MIR2052HG: variants seen among roughly 807,000 people sequenced by gnomAD.
The protein encoded by MIR2052HG is MIR2052 host gene.
intron 4 of MIR2052HG, among the ~76,000 whole-genome samples, chr8:74,738,647 A>G (rs539426561): frequency 6.6e-6 from 1 of 152,346 alleles, no homozygotes; most frequent in South Asian, 2.1e-4. Context: ...GCTTTGTTAA[A>G]AAATCACATT....
At chr8:74,714,882 T>G (rs1340273236) in intron 4 of MIR2052HG, among the ~76,000 whole-genome samples, 1 of 151,918 alleles carries the variant, frequency 6.6e-6, no homozygotes, top group East Asian at 1.9e-4. Flanking sequence ...TTTCATATTT[T>G]TTGGTAGAGA....
Position 74,618,738 on chromosome 8 carries a change from CA to C in MIR2052HG, n.216+5801del, listed in dbSNP as rs796802523. Among the ~76,000 whole-genome samples the C allele has an allele frequency of 2.6e-4, 39 of 152,274 alleles. 1 individual carries two copies. The highest frequency in any genetic ancestry group is 8.9e-4 in the African/African-American group (37 of 41,558). ...TTTTCCTGTGAGATAAGGAACAAGA[CA>C]AAGATGCGCACTCTCACCACTTCTA... On this transcript the variant is annotated intron_variant and non_coding_transcript_variant, in intron 2 of 6. Coordinates refer to ENST00000523442, the Ensembl canonical transcript of MIR2052HG.
intron 2 of MIR2052HG, among the ~76,000 whole-genome samples, chr8:74,670,348 A>G (rs1808977640): frequency 6.6e-6 from 1 of 152,182 alleles, no homozygotes; most frequent in African/African-American, 2.4e-5. Context: ...AAGACAGAGT[A>G]TGAAAAATTT....
chr8:74,603,453 A>G lies in MIR2052HG; in HGVS notation n.128+3545A>G, dbSNP rs1200022877. The G allele has an allele frequency of 3.1e-6, 5 of 1,605,738 alleles. No individual in the cohort carries two copies. The Admixed American group carries it at 8.3e-5, about 27-fold the overall frequency. ...GTGCCCCAGACATCTGACGGATCTC[A>G]TTTATTTTGGCGCCTTGACGCCCGA... On this transcript the variant is annotated intron_variant and non_coding_transcript_variant, in intron 1 of 6. Coordinates refer to ENST00000523442, the Ensembl canonical transcript of MIR2052HG.
At chr8:74,739,321 G>T (rs1472323465) in intron 4 of MIR2052HG, among the ~76,000 whole-genome samples, 1 of 152,126 alleles carries the variant, frequency 6.6e-6, no homozygotes, top group Non-Finnish European at 1.5e-5. Context: ...ACTATAAGCT[G>T]CTCCTTTCAG....
At chr8:74,714,902 A>G (rs1809505824) in intron 4 of MIR2052HG, among the ~76,000 whole-genome samples, 1 of 150,692 alleles carries the variant, frequency 6.6e-6, no homozygotes, top group Non-Finnish European at 1.5e-5. Context: ...ATGGGGTCAA[A>G]CTCCTGACCT....
At chr8:74,664,682 T>A (rs1481289659) in intron 2 of MIR2052HG, among the ~76,000 whole-genome samples, 2 of 152,148 alleles carry the variant, frequency 1.3e-5, no homozygotes, top group Admixed American at 6.5e-5. Flanking sequence ...TATGCCCAGC[T>A]AATATTTTAT....
intron 2 of MIR2052HG, among the ~76,000 whole-genome samples, chr8:74,685,121 C>G (rs1266019576): frequency 2.0e-5 from 3 of 152,040 alleles, no homozygotes; most frequent in African/African-American, 7.2e-5. Flanking sequence ...AATATAATAT[C>G]TGATATTTGA....
At chr8:74,664,077 A>T (rs981414189) in intron 2 of MIR2052HG, among the ~76,000 whole-genome samples, 2 of 152,148 alleles carry the variant, frequency 1.3e-5, no homozygotes, top group Non-Finnish European at 2.9e-5. Flanking sequence ...AGCTATGAGT[A>T]GGCAAAGGCA....
chr8:74,612,736 A>G (rs1249933012), intron 1 of MIR2052HG: 5 of 363,476 alleles, frequency 1.4e-5, no homozygotes, highest in Non-Finnish European at 2.7e-5. Flanking sequence ...TTTATGCTGT[A>G]AAAACATATT....
At chr8:74,705,122 A>G (rs1037266863) in intron 4 of MIR2052HG, among the ~76,000 whole-genome samples, 2 of 151,632 alleles carry the variant, frequency 1.3e-5, no homozygotes, top group African/African-American at 4.9e-5. Flanking sequence ...TTTGCATCAG[A>G]GTTTGATTGA....
chr8:74,748,908 T>A (rs1809914712), intron 4 of MIR2052HG, among the ~76,000 whole-genome samples: 1 of 152,150 alleles, frequency 6.6e-6, no homozygotes, highest in African/African-American at 2.4e-5. Context: ...CATATTGACA[T>A]GGAGAGAGAG....
intron 3 of MIR2052HG, chr8:74,702,569 G>A (rs943800521): frequency 5.3e-6 from 1 of 189,626 alleles, no homozygotes; most frequent in Non-Finnish European, 1.2e-5. Context: ...AGCCTAAGAG[G>A]AGGAGATTTC....
chr8:74,648,204 C>A (rs542601890), intron 2 of MIR2052HG, among the ~76,000 whole-genome samples: 2 of 151,854 alleles, frequency 1.3e-5, no homozygotes, highest in Admixed American at 6.6e-5. Context: ...TAATTGATAC[C>A]CTGGGTAAGG....
At chr8:74,673,817 C>T (rs1016170910) in intron 2 of MIR2052HG, among the ~76,000 whole-genome samples, 4 of 149,406 alleles carry the variant, frequency 2.7e-5, no homozygotes, top group African/African-American at 9.9e-5. Context: ...AATGGATAAC[C>T]ATTAGCCTAA....
At chr8:74,659,572 C>G (rs1808840042) in intron 2 of MIR2052HG, among the ~76,000 whole-genome samples, 2 of 152,036 alleles carry the variant, frequency 1.3e-5, no homozygotes, top group South Asian at 2.1e-4. Context: ...TGCCAAGCAG[C>G]TAGGAATACA....
intron 2 of MIR2052HG, among the ~76,000 whole-genome samples, chr8:74,659,163 A>G (rs984805431): frequency 5.9e-5 from 9 of 152,194 alleles, no homozygotes; most frequent in African/African-American, 2.2e-4. Flanking sequence ...TTGTTCTTGG[A>G]CAATGAACCT....
At chr8:74,647,369 C>T (rs1808699979) in intron 2 of MIR2052HG, among the ~76,000 whole-genome samples, 1 of 152,098 alleles carries the variant, frequency 6.6e-6, no homozygotes, top group East Asian at 1.9e-4. Flanking sequence ...GCTCTTCTTA[C>T]AAGGTGGTTT....
intron 2 of MIR2052HG, among the ~76,000 whole-genome samples, chr8:74,637,420 C>A (rs1808594956): frequency 6.6e-6 from 1 of 152,126 alleles, no homozygotes; most frequent in Admixed American, 6.6e-5. Context: ...CTCAAACACA[C>A]ACATGTGCGT....
Sources: gnomAD v4.1 joint callset for allele counts (sites outside exome capture counted in the v4.1 genomes callset) on GRCh38, gnomAD v4.1.1 for gene constraint, MANE v1.5 for transcripts, NCBI Gene and HGNC (gene_info 2026-07-23, HGNC 2026-07-21) for gene names.